Variants in ZC3H11A observed in about 807,000 individuals in gnomAD.
The protein encoded by ZC3H11A is zinc finger CCCH-type containing 11A, also known as zinc finger CCCH domain-containing protein 11A.
In ZC3H11A, 22 loss-of-function variants were observed where a neutral mutation model predicts 90.8. The observed-to-expected ratio is 0.24, with a 90% CI of 0.17 to 0.35. The LOEUF (loss-of-function observed/expected upper bound fraction) is 0.35, where lower values mean the gene tolerates loss of function less well. Ranked by LOEUF, ZC3H11A falls within the 10% of genes least tolerant of loss-of-function variation. The probability of loss-of-function intolerance (pLI) is 1.00; values close to 1 mark genes in which losing one functional copy is unlikely to be tolerated. For synonymous variants in ZC3H11A, 294 were observed against 339.8 expected, an observed-to-expected ratio of 0.87 and a Z score of 1.48; for missense variants, 701 against 964.9, an observed-to-expected ratio of 0.73 and a Z score of 3.62.
At chr1:203,818,822 C>T in intron 4 of ZC3H11A, 133 bp downstream of exon 4, 1 of 1,391,656 alleles carries the variant, frequency 7.2e-7, no homozygotes, top group Non-Finnish European at 9.7e-7. Flanking sequence ...GTAGTTCCAG[C>T]ACTTTGGGAG....
At chr1:203,834,815 G>C (rs2103100220) in intron 10 of ZC3H11A, among the ~76,000 whole-genome samples, 1 of 151,930 alleles carries the variant, frequency 6.6e-6, no homozygotes, top group Non-Finnish European at 1.5e-5. Context: ...GCTAATTTTT[G>C]TATTTTTAGT....
rs543284239 is a variant in ZC3H11A, at chr1:203,831,696, C to T, written c.736C>T (p.Pro246Ser). ...AGGAGTTTCCAGTCTTTTACTCCAC[C>T]CTGAGCCCGTTCCAGGTCCTGAAAA... is the stretch of plus-strand genomic sequence containing the variant. Reference protein sequence around the residue: ...SSGVSSLLLHPEPVPGPEKEN... With the variant: ...SSGVSSLLLHSEPVPGPEKEN... The change falls in exon 9 of 18, where the codon CCT becomes TCT. Residue 246 changes from proline to serine, a missense_variant. Coordinates refer to ENST00000367210, the MANE Select transcript of ZC3H11A (RefSeq NM_001376342.1). 1.9e-6 allele frequency: 3 copies of T among 1,612,944 alleles called. No individual in the cohort carries two copies. In the African/African-American group the frequency reaches 4.0e-5, roughly 22 times the overall value.
chr1:203,813,779 G>T (rs536966678), intron 2 of ZC3H11A, among the ~76,000 whole-genome samples: 2 of 152,132 alleles, frequency 1.3e-5, no homozygotes, highest in South Asian at 4.1e-4. Flanking sequence ...GTTTGTAGAT[G>T]CATCACTCCA....
rs150416242 is a variant in ZC3H11A, at chr1:203,802,714, C to CTTTTTTTTTTTTTTTTTTTTTTTTT, written c.-439_-438insTTTTTTTTTTTTTTTTTTTTTTTTT. The CTTTTTTTTTTTTTTTTTTTTTTTTT allele has an allele frequency of 7.6e-6, 1 of 131,660 alleles. No individual in the cohort carries two copies. Among genetic ancestry groups the CTTTTTTTTTTTTTTTTTTTTTTTTT allele is most frequent in the Non-Finnish European group, 1.6e-5 (1 of 60,926 alleles). 8.2% of individuals were successfully genotyped at this position (131,660 alleles called of 1,614,324 possible). A position where few individuals can be genotyped will look rare whatever the true frequency, so the allele number is the denominator to read the frequency against. ...TCTCAAGTTCATCTTTAAATGAACT[C>CTTTTTTTTTTTTTTTTTTTTTTTTT]TTTTTTTTTGTTTTTTTTTTGTTTT... On this transcript the variant is annotated 5_prime_UTR_variant, in exon 2 of 18. The change abolishes the stop of an existing upstream ORF in the 5' untranslated region. Transcript: ENST00000367210.
intron 12 of ZC3H11A, among the ~76,000 whole-genome samples, chr1:203,841,001 AT>A (rs1437427096): frequency 1.3e-5 from 2 of 152,138 alleles, no homozygotes; most frequent in African/African-American, 4.8e-5. Context: ...TATGATAGTT[AT>A]GTGCTAAAAT....
At chr1:203,811,644 G>A (rs1026241344) in intron 2 of ZC3H11A, among the ~76,000 whole-genome samples, 1 of 152,118 alleles carries the variant, frequency 6.6e-6, no homozygotes, top group Non-Finnish European at 1.5e-5. Flanking sequence ...GAGTAGCTGA[G>A]ACTACAGTTG....
At chr1:203,796,418 A>G (rs533344419) in intron 1 of ZC3H11A, 41 of 398,978 alleles carry the variant, frequency 1.0e-4, no homozygotes, top group Non-Finnish European at 1.7e-4. Context: ...GTCGGAGTCA[A>G]GAGCAACAGG....
chr1:203,823,339 A>G (rs1170154256), intron 4 of ZC3H11A, among the ~76,000 whole-genome samples: 1 of 152,218 alleles, frequency 6.6e-6, no homozygotes, highest in Non-Finnish European at 1.5e-5. Flanking sequence ...CTCTTTTCCT[A>G]GTCATGAAAA....
chr1:203,845,491 C>T (rs1231488902), intron 12 of ZC3H11A, among the ~76,000 whole-genome samples: 1 of 152,180 alleles, frequency 6.6e-6, no homozygotes, highest in Non-Finnish European at 1.5e-5. Context: ...GTTGAAGATG[C>T]AATTACAGTG....
At chr1:203,798,888 G>A in intron 1 of ZC3H11A, 1 of 1,536,010 alleles carries the variant, frequency 6.5e-7, no homozygotes, top group Non-Finnish European at 8.7e-7. Flanking sequence ...TTTCACTAAG[G>A]CTGTACCTCA....
intron 2 of ZC3H11A, among the ~76,000 whole-genome samples, chr1:203,807,522 GT>G (rs1245271188): frequency 6.9e-5 from 10 of 144,888 alleles, no homozygotes; most frequent in African/African-American, 1.8e-4. Context: ...TTGTCTTACT[GT>G]TTTTTTTTTG....
chr1:203,807,957 G>A (rs954213860), intron 2 of ZC3H11A, among the ~76,000 whole-genome samples: 1 of 151,994 alleles, frequency 6.6e-6, no homozygotes, highest in Non-Finnish European at 1.5e-5. Context: ...GCCCAGGCTG[G>A]TCTTGAACTC....
chr1:203,849,752 A>T lies in ZC3H11A; in HGVS notation c.1665A>T (p.Gln555His). The change falls in exon 15 of 18, where the codon CAA becomes CAT. Residue 555 changes from glutamine to histidine, a missense_variant. This residue lies in a region of ZC3H11A where 530 missense variants were observed against 696.2 expected (regional missense o/e 0.76). Coordinates refer to ENST00000367210, the MANE Select transcript of ZC3H11A (RefSeq NM_001376342.1). The part of the protein sequence containing the change: ...ETTGVDITKI[Q>H]VKRCETMREK... Reference sequence around the variant, plus strand: ...CAGGAGTTGACATCACTAAAATTCAAGTCAAGAGATGTGAGACCATGAGAG... The same window carrying T: ...CAGGAGTTGACATCACTAAAATTCATGTCAAGAGATGTGAGACCATGAGAG... The T allele has an allele frequency of 6.2e-7, 1 of 1,614,000 alleles. No homozygotes were observed. Among genetic ancestry groups the T allele is most frequent in the Non-Finnish European group, 8.5e-7 (1 of 1,179,882 alleles).
intron 11 of ZC3H11A, among the ~76,000 whole-genome samples, chr1:203,839,734 A>G (rs1043118937): frequency 6.6e-6 from 1 of 152,210 alleles, no homozygotes; most frequent in African/African-American, 2.4e-5. Flanking sequence ...GCTCTACAAT[A>G]ACAAAATTAT....
intron 2 of ZC3H11A, among the ~76,000 whole-genome samples, chr1:203,804,594 C>T (rs1035421932): frequency 3.3e-5 from 5 of 151,330 alleles, no homozygotes; most frequent in Non-Finnish European, 5.9e-5. Flanking sequence ...TTATTATTTT[C>T]AATTTGTTTT....
chr1:203,806,922 T>C (rs1200171650), intron 2 of ZC3H11A, among the ~76,000 whole-genome samples: 2 of 148,568 alleles, frequency 1.3e-5, no homozygotes, highest in Non-Finnish European at 3.0e-5. Context: ...TTGAAGTCTT[T>C]CAAAAATTAC....
At chr1:203,803,932 AGAT>A (rs1294486442) in intron 2 of ZC3H11A, among the ~76,000 whole-genome samples, 1 of 152,088 alleles carries the variant, frequency 6.6e-6, no homozygotes, top group Non-Finnish European at 1.5e-5. Flanking sequence ...TAATGATTCT[AGAT>A]GATTTTATAA....
intron 11 of ZC3H11A, among the ~76,000 whole-genome samples, chr1:203,839,216 TTTTG>T (rs1442717932): frequency 3.3e-5 from 5 of 152,182 alleles, no homozygotes; most frequent in Admixed American, 6.5e-5. Flanking sequence ...TTTTGTTTTG[TTTTG>T]TTTGTTTAAA....
intron 8 of ZC3H11A, among the ~76,000 whole-genome samples, chr1:203,830,704 G>A (rs895407842): frequency 6.6e-6 from 1 of 151,986 alleles, no homozygotes; most frequent in Non-Finnish European, 1.5e-5. Context: ...AGCTACTCGG[G>A]AGGCTGAGGC....
Sources: gnomAD v4.1 joint callset for allele counts (sites outside exome capture counted in the v4.1 genomes callset) on GRCh38, gnomAD v4.1.1 for gene constraint, gnomAD v4.1.1 regional missense constraint, MANE v1.5 for transcripts, NCBI Gene and HGNC (gene_info 2026-07-23, HGNC 2026-07-21) for gene names.